Variants in KCNH8 observed in about 807,000 individuals in gnomAD.
KCNH8 encodes the protein potassium voltage-gated channel subfamily H member 8.
In KCNH8, 70 loss-of-function variants were observed where a neutral mutation model predicts 103.6. That is an observed-to-expected ratio of 0.68 (90% CI 0.56 to 0.82). The LOEUF (loss-of-function observed/expected upper bound fraction) is 0.82, where lower values mean the gene tolerates loss of function less well. Among genes scored for constraint, KCNH8 ranks in the 40% least tolerant of loss-of-function variants. The pLI, the probability that KCNH8 is intolerant of heterozygous loss-of-function variation, is 0.00. For missense variants in KCNH8, 1,217 were observed against 1,329.9 expected, an observed-to-expected ratio of 0.92 and a Z score of 1.32; for synonymous variants, 498 against 489.4, an observed-to-expected ratio of 1.02 and a Z score of -0.23.
chr3:19,351,111 G>A (rs556703809), intron 5 of KCNH8, among the ~76,000 whole-genome samples: 1 of 151,976 alleles, frequency 6.6e-6, no homozygotes, highest in East Asian at 1.9e-4. Flanking sequence ...TAGCCAATTC[G>A]ATCAAGTGGA....
chr3:19,510,220 A>G (rs2068760122), intron 11 of KCNH8, 143 bp from the exon 12 acceptor site: 1 of 639,840 alleles, frequency 1.6e-6, no homozygotes, highest in Non-Finnish European at 2.9e-6. Flanking sequence ...TCTGGCCTGC[A>G]CAGGTAGATC....
At chr3:19,455,275 T>C (rs1445302697) in intron 10 of KCNH8, among the ~76,000 whole-genome samples, 45 of 152,154 alleles carry the variant, frequency 3.0e-4, no homozygotes, top group Non-Finnish European at 5.9e-5. Flanking sequence ...AATTTCTTCA[T>C]TGTTTTAAAA....
chr3:19,320,496 A>G (rs2065335574), intron 3 of KCNH8, among the ~76,000 whole-genome samples: 1 of 151,778 alleles, frequency 6.6e-6, no homozygotes, highest in Admixed American at 6.6e-5. Flanking sequence ...ATACATACCT[A>G]TGAATGTATC....
intron 3 of KCNH8, among the ~76,000 whole-genome samples, chr3:19,337,142 A>C (rs2065595492): frequency 6.6e-6 from 1 of 152,104 alleles, no homozygotes; most frequent in Admixed American, 6.6e-5. Flanking sequence ...TTCATTGAGA[A>C]TTCAAATATC....
chr3:19,181,149 A>G (rs1417084926), intron 1 of KCNH8, among the ~76,000 whole-genome samples: 1 of 152,186 alleles, frequency 6.6e-6, no homozygotes, highest in Non-Finnish European at 1.5e-5. Context: ...TCATACTGAT[A>G]CTGAAAGAGT....
intron 1 of KCNH8, among the ~76,000 whole-genome samples, chr3:19,235,797 C>T (rs1288789525): frequency 6.6e-6 from 1 of 152,194 alleles, no homozygotes; most frequent in Admixed American, 6.5e-5. Context: ...GAGTGAAAGA[C>T]ATCCTAGTTG....
intron 8 of KCNH8, among the ~76,000 whole-genome samples, chr3:19,439,689 G>A (rs1343348265): frequency 6.6e-6 from 1 of 152,026 alleles, no homozygotes; most frequent in Non-Finnish European, 1.5e-5. Context: ...TATTAATAAA[G>A]TTATTGCTGT....
intron 1 of KCNH8, among the ~76,000 whole-genome samples, chr3:19,196,394 A>G (rs771762034): frequency 6.6e-6 from 1 of 151,736 alleles, no homozygotes; most frequent in African/African-American, 2.4e-5. Context: ...TATCATAGGT[A>G]TTATCACTTA....
At chr3:19,412,598 C>G (rs935468045) in intron 7 of KCNH8, among the ~76,000 whole-genome samples, 1 of 151,920 alleles carries the variant, frequency 6.6e-6, no homozygotes, top group Non-Finnish European at 1.5e-5. Context: ...AATAAAAAGA[C>G]AACCTACCGA....
At chr3:19,251,569 A>G (rs1575469608) in intron 1 of KCNH8, among the ~76,000 whole-genome samples, 1 of 152,104 alleles carries the variant, frequency 6.6e-6, no homozygotes, top group South Asian at 2.1e-4. Flanking sequence ...CAAAAGCTTA[A>G]AAGGAGATGG....
chr3:19,492,860 TGTGTGTGTGTG>T (rs979446353), intron 11 of KCNH8, among the ~76,000 whole-genome samples: 3 of 149,214 alleles, frequency 2.0e-5, no homozygotes, highest in African/African-American at 7.4e-5. Context: ...TGTGTGTGTG[TGTGTGTGTGTG>T]TGTGTGTGTG....
chr3:19,167,242 A>G (rs1319865877), intron 1 of KCNH8, among the ~76,000 whole-genome samples: 1 of 152,226 alleles, frequency 6.6e-6, no homozygotes, highest in Non-Finnish European at 1.5e-5. Flanking sequence ...GTTGTATCAT[A>G]TTGTTACCAA....
intron 2 of KCNH8, among the ~76,000 whole-genome samples, chr3:19,258,947 C>CTCTCTCTATATA (rs1321918245): frequency 5.6e-4 from 14 of 24,800 alleles, no homozygotes; most frequent in South Asian, 1.5e-3. Flanking sequence ...CTCTCTCTCT[C>CTCTCTCTATATA]TATATATATA....
At chr3:19,432,226 G>C (rs140109905) in intron 7 of KCNH8, among the ~76,000 whole-genome samples, 2 of 152,086 alleles carry the variant, frequency 1.3e-5, no homozygotes, top group Non-Finnish European at 2.9e-5. Flanking sequence ...GGAAAAAAAC[G>C]TGATTAGAAT....
intron 7 of KCNH8, among the ~76,000 whole-genome samples, chr3:19,434,503 G>C (rs1010944988): frequency 9.8e-5 from 15 of 152,292 alleles, no homozygotes; most frequent in Admixed American, 5.2e-4. Context: ...GAGGCTGAAG[G>C]GGGTGGAGAA....
intron 1 of KCNH8, among the ~76,000 whole-genome samples, chr3:19,188,050 G>A (rs2063518604): frequency 6.6e-6 from 1 of 151,938 alleles, no homozygotes; most frequent in Non-Finnish European, 1.5e-5. Flanking sequence ...GAATTAACTG[G>A]ATGTAATCAG....
intron 1 of KCNH8, among the ~76,000 whole-genome samples, chr3:19,208,905 T>C (rs933587478): frequency 3.3e-5 from 5 of 151,988 alleles, no homozygotes; most frequent in Admixed American, 6.6e-5. Flanking sequence ...GATCAAGAGA[T>C]GTCAGGTCTT....
chr3:19,188,980 G>A (rs1348175489), intron 1 of KCNH8, among the ~76,000 whole-genome samples: 1 of 151,878 alleles, frequency 6.6e-6, no homozygotes, highest in African/African-American at 2.4e-5. Flanking sequence ...CAAACTACGG[G>A]TAGTTTTTCT....
At chr3:19,467,396 T>C (rs1343708813) in intron 11 of KCNH8, among the ~76,000 whole-genome samples, 4 of 152,138 alleles carry the variant, frequency 2.6e-5, no homozygotes, top group African/African-American at 9.7e-5. Flanking sequence ...CATTAACAGC[T>C]GCCATTTCTG....
Sources: allele counts gnomAD v4.1 joint callset (sites outside exome capture counted in the v4.1 genomes callset), GRCh38; gene constraint gnomAD v4.1.1; transcripts MANE v1.5; gene names NCBI Gene and HGNC (gene_info 2026-07-23, HGNC 2026-07-21).